Variants in ATP8A2 observed in about 807,000 individuals in gnomAD.
ATP8A2 encodes phospholipid-transporting ATPase IB.
In ATP8A2, 100 loss-of-function variants were observed where a neutral mutation model predicts 165.6. That is an observed-to-expected ratio of 0.60 (90% CI 0.51 to 0.71). The LOEUF (loss-of-function observed/expected upper bound fraction) is 0.71. Among genes scored for constraint, ATP8A2 ranks in the 30% least tolerant of loss-of-function variants. ATP8A2 has a pLI of 0.00. For synonymous variants in ATP8A2, 543 were observed against 548.8 expected (o/e 0.99, Z 0.15); for missense variants, 1,227 against 1,479.5 (o/e 0.83, Z 2.80).
chr13:25,623,161 A>C (rs1036555448), intron 24 of ATP8A2, among the ~76,000 whole-genome samples: 1 of 152,194 alleles, frequency 6.6e-6, no homozygotes, highest in Non-Finnish European at 1.5e-5. Flanking sequence ...AGGCGGGAGG[A>C]TCGCTTGAGG....
chr13:25,605,962 A>G (rs1192527873), intron 24 of ATP8A2, among the ~76,000 whole-genome samples: 1 of 152,200 alleles, frequency 6.6e-6, no homozygotes, highest in East Asian at 1.9e-4. Context: ...GTATGTACAT[A>G]TAAATCCATA....
chr13:25,745,451 T>C (rs968845905), intron 25 of ATP8A2, among the ~76,000 whole-genome samples: 1 of 152,242 alleles, frequency 6.6e-6, no homozygotes, highest in Non-Finnish European at 1.5e-5. Flanking sequence ...TATCTTTATT[T>C]ATGTCCTGTT....
chr13:25,462,852 G>A (rs2035540588), intron 1 of ATP8A2, among the ~76,000 whole-genome samples: 3 of 152,290 alleles, frequency 2.0e-5, no homozygotes, highest in South Asian at 2.1e-4. Context: ...CTATCACTGC[G>A]AAATTCCAGG....
At chr13:25,720,961 C>CTT (rs57485267) in intron 25 of ATP8A2, among the ~76,000 whole-genome samples, 13 of 129,744 alleles carry the variant, frequency 1.0e-4, no homozygotes, top group East Asian at 4.4e-4. Flanking sequence ...GGAGCTTTAG[C>CTT]TTTTTTTTTT....
At chr13:25,422,510 A>G (rs1360720209) in intron 1 of ATP8A2, among the ~76,000 whole-genome samples, 1 of 152,226 alleles carries the variant, frequency 6.6e-6, no homozygotes, top group Non-Finnish European at 1.5e-5. Context: ...CTTTTAGTAC[A>G]GCCTTTTTAA....
At chr13:25,605,960 A>G (rs1015413802) in intron 24 of ATP8A2, among the ~76,000 whole-genome samples, 1 of 152,184 alleles carries the variant, frequency 6.6e-6, no homozygotes, top group South Asian at 2.1e-4. Flanking sequence ...ACGTATGTAC[A>G]TATAAATCCA....
rs150498785 is a variant in ATP8A2 at position 25,463,124 on chromosome 13, G to GTTTTTT, written c.77-5852_77-5851insTTTTTT. Among the ~76,000 whole-genome samples the GTTTTTT allele has an allele frequency of 1.6e-5, 2 of 127,578 alleles. 1 individual carries two copies. 83.7% of individuals were successfully genotyped at this position (127,578 alleles called of 152,430 possible). On this transcript the variant is annotated intron_variant, in intron 1 of 36. Coordinates refer to ENST00000381655, the MANE Select transcript of ATP8A2 (RefSeq NM_016529.6). ...GAAGATGAAGGTATTTCTTTCTGAA[G>GTTTTTT]TGTTTTTTTTTTTTTTTTTGAGATA...
At chr13:25,907,907 C>G (rs1953990261) in intron 33 of ATP8A2, among the ~76,000 whole-genome samples, 2 of 152,172 alleles carry the variant, frequency 1.3e-5, no homozygotes, top group Admixed American at 1.3e-4. Flanking sequence ...TGAAATGATA[C>G]AGCCAACTCT....
intron 24 of ATP8A2, among the ~76,000 whole-genome samples, chr13:25,653,283 G>A (rs1455488065): frequency 6.6e-6 from 1 of 152,200 alleles, no homozygotes; most frequent in Non-Finnish European, 1.5e-5. Flanking sequence ...AAAAAAGAAT[G>A]AGACCATGAC....
intron 24 of ATP8A2, among the ~76,000 whole-genome samples, chr13:25,608,540 A>T (rs576812110): frequency 8.5e-4 from 130 of 152,278 alleles, no homozygotes; most frequent in South Asian, 7.9e-3. Flanking sequence ...GGTGCTAAGT[A>T]TATATGGTTA....
intron 27 of ATP8A2, among the ~76,000 whole-genome samples, chr13:25,789,319 C>T (rs1238787434): frequency 6.6e-6 from 1 of 152,022 alleles, no homozygotes; most frequent in Non-Finnish European, 1.5e-5. Flanking sequence ...GCAAAGTTAG[C>T]TAAAAATAAA....
chr13:25,769,852 G>C (rs143094790), intron 26 of ATP8A2, among the ~76,000 whole-genome samples: 2 of 152,174 alleles, frequency 1.3e-5, no homozygotes, highest in African/African-American at 4.8e-5. Context: ...TCAGTCCAGC[G>C]GAGGCTGATC....
chr13:25,402,593 G>A (rs948092630), intron 1 of ATP8A2, among the ~76,000 whole-genome samples: 6 of 152,182 alleles, frequency 3.9e-5, no homozygotes, highest in African/African-American at 1.2e-4. Context: ...GCAGGGTATA[G>A]CTGAGTCAGA....
At chr13:25,968,889 T>G (rs1955849292) in intron 35 of ATP8A2, among the ~76,000 whole-genome samples, 1 of 151,708 alleles carries the variant, frequency 6.6e-6, no homozygotes, top group Admixed American at 6.6e-5. Flanking sequence ...AGACTGGGGG[T>G]TTTATTGGGT....
intron 33 of ATP8A2, among the ~76,000 whole-genome samples, chr13:25,876,012 T>C (rs1287759110): frequency 6.6e-6 from 1 of 152,228 alleles, no homozygotes; most frequent in Non-Finnish European, 1.5e-5. Context: ...GTCATTATGA[T>C]GTTCAAGGGA....
intron 25 of ATP8A2, among the ~76,000 whole-genome samples, chr13:25,728,967 C>T (rs1292362460): frequency 6.6e-6 from 1 of 152,126 alleles, no homozygotes; most frequent in Admixed American, 6.5e-5. Context: ...AACTTCTTTC[C>T]AGGTCCTATT....
chr13:25,934,439 C>T (rs530858908), intron 33 of ATP8A2, among the ~76,000 whole-genome samples: 5 of 152,216 alleles, frequency 3.3e-5, no homozygotes, highest in African/African-American at 4.8e-5. Flanking sequence ...GGCAGGAACA[C>T]GCTCTGCAGG....
At position 26,025,459 on chromosome 13, in the gene ATP8A2, T is replaced by A. The variant is rs1957151822; in HGVS notation, c.*5474T>A. 6.6e-6 allele frequency: 1 copy of A among 152,280 alleles called. No individual in the cohort carries two copies. Among genetic ancestry groups the A allele is most frequent in the Admixed American group, 6.5e-5 (1 of 15,286 alleles). The allele number at this position is 152,280 out of a possible 1,614,324, so 9.4% of individuals were successfully genotyped here. Reference sequence around the variant, plus strand: ...CTCATGCGAGCAAAGCCACGTGCTCTCCTGTCTGCTGTCACATCTGTGCCT... The same window carrying A: ...CTCATGCGAGCAAAGCCACGTGCTCACCTGTCTGCTGTCACATCTGTGCCT... On this transcript the variant is annotated 3_prime_UTR_variant, in exon 37 of 37. Coordinates refer to ENST00000381655, the MANE Select transcript of ATP8A2 (RefSeq NM_016529.6).
chr13:25,570,025 G>A (rs7319477), intron 16 of ATP8A2, among the ~76,000 whole-genome samples: 103,648 of 152,052 alleles, frequency 0.68, 36,419 homozygotes, highest in Middle Eastern at 0.73. Context: ...CACTAGTTAT[G>A]AATGTGCTCT....
Sources: allele counts gnomAD v4.1 joint callset (sites outside exome capture counted in the v4.1 genomes callset), GRCh38; gene constraint gnomAD v4.1.1; transcripts MANE v1.5; gene names NCBI Gene and HGNC (gene_info 2026-07-23, HGNC 2026-07-21).